KLHL29: variants seen among roughly 807,000 people sequenced by gnomAD.
The protein encoded by KLHL29 is kelch-like protein 29.
KLHL29 carries 21 observed loss-of-function variants against 80.4 expected under a neutral mutation model. The observed-to-expected ratio is 0.26, with a 90% confidence interval of 0.19 to 0.38. The LOEUF is 0.38. Among genes scored for constraint, KLHL29 ranks in the 10% least tolerant of loss-of-function variants. The probability of loss-of-function intolerance (pLI) is 1.00; values close to 1 mark genes in which losing one functional copy is unlikely to be tolerated. For synonymous variants in KLHL29, 511 were observed against 526.8 expected, an observed-to-expected ratio of 0.97 and a Z score of 0.41; for missense variants, 867 against 1,223.9, an observed-to-expected ratio of 0.71 and a Z score of 4.35.
At chr2:23,674,602 C>T (rs1670872048) in intron 5 of KLHL29, among the ~76,000 whole-genome samples, 1 of 152,184 alleles carries the variant, frequency 6.6e-6, no homozygotes, top group African/African-American at 2.4e-5. Flanking sequence ...AGCAGCAGCA[C>T]CTCTGAATAA....
At chr2:23,522,876 C>T (rs986825548) in intron 2 of KLHL29, among the ~76,000 whole-genome samples, 24 of 152,244 alleles carry the variant, frequency 1.6e-4, no homozygotes, top group African/African-American at 5.5e-4. Flanking sequence ...CCCAGCCCTG[C>T]AGAGGTGACC....
At chr2:23,397,555 C>A (rs1666480781) in intron 1 of KLHL29, among the ~76,000 whole-genome samples, 1 of 152,208 alleles carries the variant, frequency 6.6e-6, no homozygotes, top group Non-Finnish European at 1.5e-5. Flanking sequence ...AAATAGACAC[C>A]TGGGCCAAGT....
intron 5 of KLHL29, chr2:23,672,467 C>G (rs1164853455): frequency 6.6e-6 from 1 of 152,474 alleles, no homozygotes; most frequent in Non-Finnish European, 1.5e-5. Flanking sequence ...ACATGCCCCC[C>G]TCATATGTGT....
chr2:23,492,310 C>G (rs549880691), intron 2 of KLHL29, among the ~76,000 whole-genome samples: 4 of 152,326 alleles, frequency 2.6e-5, no homozygotes, highest in Admixed American at 2.6e-4. Flanking sequence ...GCACACTGTT[C>G]ATGCCTCTAG....
chr2:23,479,046 G>C (rs1310509528), intron 2 of KLHL29, among the ~76,000 whole-genome samples: 1 of 151,404 alleles, frequency 6.6e-6, no homozygotes, highest in Non-Finnish European at 1.5e-5. Flanking sequence ...CTCCCCTCTT[G>C]GCCTCCGTGG....
At chr2:23,527,572 C>A (rs148740713) in intron 2 of KLHL29, among the ~76,000 whole-genome samples, 2 of 152,208 alleles carry the variant, frequency 1.3e-5, no homozygotes, top group Non-Finnish European at 2.9e-5. Context: ...TGTTCATCTC[C>A]GGGCACAGAG....
At chr2:23,483,863 C>A (rs562348358) in intron 2 of KLHL29, among the ~76,000 whole-genome samples, 10 of 152,258 alleles carry the variant, frequency 6.6e-5, no homozygotes, top group Admixed American at 6.5e-4. Context: ...TTCTTGTTCC[C>A]ATGTCAGCTG....
At chr2:23,698,048 A>G (rs949980634) in intron 11 of KLHL29, 17 of 152,254 alleles carry the variant, frequency 1.1e-4, no homozygotes, top group African/African-American at 3.6e-4. Context: ...CAAGGATCAA[A>G]TGCACCAACT....
At position 23,707,182 on chromosome 2, in the gene KLHL29, T is replaced by A. The variant is rs1308186271; in HGVS notation, c.*518T>A. 6.6e-6 allele frequency: 1 copy of A among 152,284 alleles called. No homozygotes were observed. Among genetic ancestry groups the A allele is most frequent in the Admixed American group, 6.5e-5 (1 of 15,292 alleles). The allele number at this position is 152,284 out of a possible 1,614,324, so 9.4% of individuals were successfully genotyped here. On this transcript the variant is annotated 3_prime_UTR_variant, in exon 14 of 14. Coordinates refer to ENST00000486442, the MANE Select transcript of KLHL29 (RefSeq NM_052920.2). ...CTGTGCATCACAAGGCCTAGGAGGC[T>A]GCTGGTCCCCACTGGGGCTGAAGAG...
At chr2:23,524,452 C>T (rs563240698) in intron 2 of KLHL29, 1 of 169,414 alleles carries the variant, frequency 5.9e-6, no homozygotes, top group East Asian at 1.6e-4. Context: ...GATGGATGTT[C>T]ATGGCTCACG....
chr2:23,548,509 T>C (rs1572393570), intron 2 of KLHL29, among the ~76,000 whole-genome samples: 1 of 152,362 alleles, frequency 6.6e-6, no homozygotes, highest in South Asian at 2.1e-4. Context: ...TGGCTTGCTT[T>C]GGCCAATGAC....
intron 5 of KLHL29, among the ~76,000 whole-genome samples, chr2:23,674,725 G>C (rs897917677): frequency 2.3e-5 from 3 of 127,738 alleles, no homozygotes; most frequent in African/African-American, 8.8e-5. Flanking sequence ...ATTGGATTCA[G>C]TTCAGTTTCT....
At chr2:23,617,994 G>A (rs933634367) in intron 3 of KLHL29, 5 of 152,192 alleles carry the variant, frequency 3.3e-5, no homozygotes. Flanking sequence ...GAGGTGTGGA[G>A]CAGCTGCGAC....
intron 2 of KLHL29, among the ~76,000 whole-genome samples, chr2:23,478,469 C>T (rs1466829773): frequency 2.0e-5 from 3 of 152,260 alleles, no homozygotes; most frequent in East Asian, 3.9e-4. Context: ...AGTTCAAGAG[C>T]CATGTGTGGA....
intron 7 of KLHL29, among the ~76,000 whole-genome samples, chr2:23,692,771 T>C (rs954715607): frequency 6.6e-6 from 1 of 151,862 alleles, no homozygotes; most frequent in Non-Finnish European, 1.5e-5. Flanking sequence ...GCTGGCCAGA[T>C]GGACCCCAGA....
intron 2 of KLHL29, among the ~76,000 whole-genome samples, chr2:23,522,935 C>T (rs1363988062): frequency 6.6e-6 from 1 of 152,146 alleles, no homozygotes; most frequent in Non-Finnish European, 1.5e-5. Flanking sequence ...TTGTCAGTGC[C>T]CTGATTGCGT....
At chr2:23,479,824 C>G (rs994410146) in intron 2 of KLHL29, among the ~76,000 whole-genome samples, 1 of 152,230 alleles carries the variant, frequency 6.6e-6, no homozygotes, top group Non-Finnish European at 1.5e-5. Flanking sequence ...GGACCCTGAG[C>G]TCACTGAGGA....
intron 2 of KLHL29, 100 bp downstream of exon 2, chr2:23,475,767 A>T (rs576560229): frequency 6.2e-6 from 1 of 162,390 alleles, no homozygotes; most frequent in South Asian, 2.1e-4. Context: ...AAGGGAAGAA[A>T]GTACAGTAGG....
chr2:23,509,844 C>T (rs1282741888), intron 2 of KLHL29, among the ~76,000 whole-genome samples: 1 of 152,152 alleles, frequency 6.6e-6, no homozygotes, highest in East Asian at 1.9e-4. Context: ...CTTTTGACAG[C>T]TGAATTTTAT....
Sources: gnomAD v4.1 joint callset for allele counts (sites outside exome capture counted in the v4.1 genomes callset) on GRCh38, gnomAD v4.1.1 for gene constraint, MANE v1.5 for transcripts, NCBI Gene and HGNC (gene_info 2026-07-23, HGNC 2026-07-21) for gene names.